MTA2: variants seen among roughly 807,000 people sequenced by gnomAD.
The protein encoded by MTA2 is metastasis associated 1 family member 2, also known as metastasis-associated protein MTA2.
Under a neutral mutation model 87.1 loss-of-function variants are expected in MTA2, and 22 were observed. The observed-to-expected ratio is 0.25, with a 90% CI of 0.18 to 0.36. MTA2 has a LOEUF of 0.36. Ranked by LOEUF, MTA2 falls within the 10% of genes least tolerant of loss-of-function variation. MTA2 has a pLI of 1.00. For synonymous variants in MTA2, 314 were observed against 310.1 expected, an observed-to-expected ratio of 1.01 and a Z score of -0.13; for missense variants, 542 against 853.2, an observed-to-expected ratio of 0.64 and a Z score of 4.54.
chr11:62,599,296 A>C (rs900054454), intron 3 of MTA2: 2 of 152,590 alleles, frequency 1.3e-5, no homozygotes, highest in African/African-American at 4.8e-5. Context: ...TCCCAACCTC[A>C]GGGAGAAGGG....
In MTA2 at chr11:62,595,929, A is replaced by T. The variant is rs531929174; in HGVS notation, c.1115-38T>A. ...GAGAGGAGGGGGACAGGGAAGAAGCATACTACCTAAGCCCCTCAGATTCTT... is the reference window on the plus strand; with the variant it reads ...GAGAGGAGGGGGACAGGGAAGAAGCTTACTACCTAAGCCCCTCAGATTCTT... On this transcript the variant is annotated intron_variant, in intron 12 of 17. Coordinates refer to ENST00000278823, the MANE Select transcript of MTA2 (RefSeq NM_004739.4). This position sits in a 1 kb window ranked among gnomAD's most constrained non-coding sequence, Gnocchi z 4.9. The T allele has an allele frequency of 6.2e-7, 1 of 1,614,114 alleles. No homozygotes were observed. Among genetic ancestry groups the T allele is most frequent in the African/African-American group, 1.3e-5 (1 of 75,034 alleles).
chr11:62,596,368 C>T, intron 10 of MTA2, 31 bp from the exon 11 acceptor site: 1 of 1,613,906 alleles, frequency 6.2e-7, no homozygotes, highest in Non-Finnish European at 8.5e-7. Context: ...AGAGAAGGAT[C>T]AGAGCCTCAT....
Position 62,598,073 on chromosome 11 carries a change from A to G in MTA2, c.441T>C (p.Ile147=). 6.2e-7 allele frequency: 1 copy of G among 1,613,980 alleles called. No individual in the cohort carries two copies. The highest frequency in any genetic ancestry group is 2.2e-5 in the East Asian group (1 of 44,872). ...QKTLLADQGE[I]RVGCKYQAEI... is the part of the protein sequence containing the mutation. Reference sequence around the variant, plus strand: ...CAGCTTGGTATTTGCAACCAACTCTAATCTCGCCCTGATCAGCGAGAAGTG... The same window carrying G: ...CAGCTTGGTATTTGCAACCAACTCTGATCTCGCCCTGATCAGCGAGAAGTG... Residue 147 remains isoleucine, a synonymous_variant, in exon 6 of 18, where the codon ATT becomes ATC. Transcript: ENST00000278823.
Position 62,596,340 on chromosome 11 carries a change from G to A in MTA2, c.958-3C>T, listed in dbSNP as rs756559320. On this transcript the variant is annotated splice_region_variant and splice_polypyrimidine_tract_variant and intron_variant, in intron 10 of 17. Coordinates refer to ENST00000278823, the MANE Select transcript of MTA2 (RefSeq NM_004739.4). ...GCTTCAGCAGCTTTCAACCTTTTCT[G>A]TAAGAAGGTAAAAAGAAAGAGAAGG... 5.6e-6 allele frequency: 9 copies of A among 1,613,960 alleles called. No individual in the cohort carries two copies. The highest frequency in any genetic ancestry group is 1.3e-5 in the African/African-American group (1 of 74,894).
At chr11:62,594,786 A>G in intron 15 of MTA2, 152 bp from the exon 16 acceptor site, 6 of 867,644 alleles carry the variant, frequency 6.9e-6, no homozygotes, top group South Asian at 6.6e-5. Flanking sequence ...AGTATTTCAA[A>G]TATCAGTATG....
intron 6 of MTA2, 24 bp downstream of exon 6, chr11:62,598,000 G>T: frequency 6.3e-7 from 1 of 1,579,822 alleles, no homozygotes; most frequent in South Asian, 1.1e-5. Context: ...CCTGGTAGCC[G>T]TACAGTCTTG....
rs780265800 is a variant in MTA2, at chr11:62,600,604, G to A, written c.96+18C>T. ...AGACCACTGCGGGAGGGAGGGAGAG[G>A]GATTCTGCTCCACTCACCTTGTTGA... On this transcript the variant is annotated intron_variant, in intron 2 of 17. Transcript: ENST00000278823. 1 of 1,610,506 alleles carries A rather than the reference G, an allele frequency of 6.2e-7. No individual in the cohort carries two copies. Among genetic ancestry groups the A allele is most frequent in the Non-Finnish European group, 8.5e-7 (1 of 1,177,200 alleles).
Position 62,595,194 on chromosome 11 carries a change from C to T in MTA2, c.1483+70G>A. 6.4e-7 allele frequency: 1 copy of T among 1,558,312 alleles called. No homozygotes were observed. The highest frequency in any genetic ancestry group is 1.4e-5 in the African/African-American group (1 of 73,474). ...ACTATCCCTCCTGTTATTAGACATC[C>T]AGAGAAACAACGGTCTCTGGGCAGA... On this transcript the variant is annotated intron_variant, in intron 14 of 17. Transcript: ENST00000278823. This position sits in a 1 kb window ranked among gnomAD's most constrained non-coding sequence, Gnocchi z 4.9.
At chr11:62,597,808 G>T in intron 6 of MTA2, 96 bp from the exon 7 acceptor site, 1 of 1,103,826 alleles carries the variant, frequency 9.1e-7, no homozygotes, top group Non-Finnish European at 1.3e-6. Flanking sequence ...CTCTTCTTCT[G>T]CTTGGATTCT....
chr11:62,596,610 C>T (rs1310765116), intron 9 of MTA2, 27 bp downstream of exon 9: 2 of 1,611,600 alleles, frequency 1.2e-6, no homozygotes, highest in Non-Finnish European at 1.7e-6. Context: ...ATCTCTCCCA[C>T]TTCTCCTCCT....
chr11:62,598,327 C>T lies in MTA2; in HGVS notation c.372G>A (p.Glu124=), dbSNP rs1942127214. 1 of 1,613,892 alleles carries T rather than the reference C, an allele frequency of 6.2e-7. No individual in the cohort carries two copies. Among genetic ancestry groups the T allele is most frequent in the African/African-American group, 1.3e-5 (1 of 74,884 alleles). ...TCTTCTCTCAACATCTCTTTCTCACCTCCTTTTCCAGGTACTGGCTCAAGA... is the reference window on the plus strand; with the variant it reads ...TCTTCTCTCAACATCTCTTTCTCACTTCCTTTTCCAGGTACTGGCTCAAGA... ...TDILSQYLEK[E]DCFFYSLVFD... The change falls in exon 5 of 18, where the codon GAG becomes GAA. Residue 124 remains glutamate, a splice_region_variant and synonymous_variant. Transcript: ENST00000278823.
At position 62,593,397 on chromosome 11, in the gene MTA2, G is replaced by A. The variant is rs1282198173; in HGVS notation, c.*478C>T. 1 of 137,884 alleles carries A rather than the reference G, an allele frequency of 7.3e-6. No individual in the cohort carries two copies. Among genetic ancestry groups the A allele is most frequent in the African/African-American group, 2.8e-5 (1 of 35,930 alleles). 8.5% of individuals were successfully genotyped at this position (137,884 alleles called of 1,614,324 possible). ...GCTTAGGGGCCTCAAACTCCAATTA[G>A]GAAAGTCCGGACACCGGACAGAAAG... On this transcript the variant is annotated 3_prime_UTR_variant, in exon 18 of 18. Transcript: ENST00000278823.
At chr11:62,598,480 C>A (rs1387202419) in intron 4 of MTA2, 42 bp downstream of exon 4, 1 of 1,607,174 alleles carries the variant, frequency 6.2e-7, no homozygotes, top group Non-Finnish European at 8.5e-7. Context: ...CCATCTTCTA[C>A]GTAAGTGCAC....
Position 62,601,805 on chromosome 11 carries a change from C to T in MTA2, c.-355G>A, listed in dbSNP as rs756787455. Reference sequence around the variant, plus strand: ...CGGCCGCAGGGAAGGCTTGCCGGGCCCGCCTCAGGGTTCGCCTCCTTCCGG... The same window carrying T: ...CGGCCGCAGGGAAGGCTTGCCGGGCTCGCCTCAGGGTTCGCCTCCTTCCGG... On this transcript the variant is annotated 5_prime_UTR_variant, in exon 1 of 18. Coordinates refer to ENST00000278823, the MANE Select transcript of MTA2 (RefSeq NM_004739.4). The T allele has an allele frequency of 3.0e-5, 15 of 503,236 alleles. No individual in the cohort carries two copies. Among genetic ancestry groups the T allele is most frequent in the Non-Finnish European group, 4.8e-5 (14 of 289,370 alleles). The allele number at this position is 503,236 out of a possible 1,614,324, so 31.2% of individuals were successfully genotyped here.
chr11:62,597,954 G>T, intron 6 of MTA2, 70 bp downstream of exon 6: 1 of 1,358,376 alleles, frequency 7.4e-7, no homozygotes, highest in Non-Finnish European at 1.1e-6. Flanking sequence ...CATTCACAGA[G>T]ACTATAATGT....
chr11:62,593,718 A>C lies in MTA2; in HGVS notation c.*157T>G. 1.2e-6 allele frequency: 1 copy of C among 834,348 alleles called. No homozygotes were observed. Among genetic ancestry groups the C allele is most frequent in the Non-Finnish European group, 1.8e-6 (1 of 546,170 alleles). 51.7% of individuals were successfully genotyped at this position (834,348 alleles called of 1,614,324 possible). On this transcript the variant is annotated 3_prime_UTR_variant, in exon 18 of 18. Coordinates refer to ENST00000278823, the MANE Select transcript of MTA2 (RefSeq NM_004739.4). ...GGCATGAGACAAGTCTCGAGGTGGT[A>C]ACACCAGAGGGCGCCCAACCCCTCC...
At chr11:62,600,105 A>G in intron 3 of MTA2, 61 bp downstream of exon 3, 1 of 1,470,484 alleles carries the variant, frequency 6.8e-7, no homozygotes, top group Non-Finnish European at 9.5e-7. Context: ...AAATACCTGC[A>G]GGGACATGCC....
chr11:62,596,387 G>C (rs3750991), intron 10 of MTA2, 50 bp from the exon 11 acceptor site: 3 of 1,613,092 alleles, frequency 1.9e-6, no homozygotes, highest in Non-Finnish European at 2.5e-6. Flanking sequence ...ATAGCAGGGA[G>C]AATGTCATCA....
At position 62,598,090 on chromosome 11, in the gene MTA2, C is replaced by T. The variant is rs767771761; in HGVS notation, c.424G>A (p.Ala142Thr). ...CCAACTCTAATCTCGCCCTGATCAGCGAGAAGTGTCTTCTGCACGGGGTCA... is the reference window on the plus strand; with the variant it reads ...CCAACTCTAATCTCGCCCTGATCAGTGAGAAGTGTCTTCTGCACGGGGTCA... ...VFDPVQKTLL[A>T]DQGEIRVGCK... The change falls in exon 6 of 18, where the codon GCT becomes ACT. Residue 142 changes from alanine (A) to threonine (T), a missense_variant. This residue lies in a region of MTA2 where 150 missense variants were observed against 243.9 expected (regional missense o/e 0.62). Coordinates refer to ENST00000278823, the MANE Select transcript of MTA2 (RefSeq NM_004739.4). The T allele has an allele frequency of 6.2e-7, 1 of 1,613,986 alleles. No homozygotes were observed. Among genetic ancestry groups the T allele is most frequent in the African/African-American group, 1.3e-5 (1 of 74,962 alleles).
Sources: allele counts gnomAD v4.1 joint callset, GRCh38; gene constraint gnomAD v4.1.1; regional missense constraint gnomAD v4.1.1; non-coding constraint Gnocchi (gnomAD v3.1); transcripts MANE v1.5; gene names NCBI Gene and HGNC (gene_info 2026-07-23, HGNC 2026-07-21).